Variants in ACOX3 observed in about 807,000 individuals in gnomAD.
ACOX3 encodes the protein peroxisomal acyl-coenzyme A oxidase 3.
Under a neutral mutation model 81.5 loss-of-function variants are expected in ACOX3, and 73 were observed. The observed-to-expected ratio is 0.90, with a 90% CI of 0.74 to 1.09. The LOEUF is 1.09. Among genes scored for constraint, ACOX3 ranks in the 50% least tolerant of loss-of-function variants. ACOX3 has a pLI of 0.00. For missense variants in ACOX3, 947 were observed against 928.0 expected, an observed-to-expected ratio of 1.02 and a Z score of -0.27; for synonymous variants, 387 against 375.1, an observed-to-expected ratio of 1.03 and a Z score of -0.37.
chr4:8,410,206 T>A lies in ACOX3; in HGVS notation c.687+6A>T, dbSNP rs764537279. 1 of 1,613,186 alleles carries A rather than the reference T, an allele frequency of 6.2e-7. No individual in the cohort carries two copies. Among genetic ancestry groups the A allele is most frequent in the Non-Finnish European group, 8.5e-7 (1 of 1,179,524 alleles). On this transcript the variant is annotated splice_donor_region_variant and intron_variant, in intron 6 of 17. Transcript: ENST00000356406. ...GCCCCCACTGAGGGCCACCCCAGCG[T>A]CCTACCTGCACGATAAAGGGATGCA...
chr4:8,390,275 T>C (rs867538809), intron 11 of ACOX3, among the ~76,000 whole-genome samples: 1 of 152,108 alleles, frequency 6.6e-6, no homozygotes, highest in South Asian at 2.1e-4. Context: ...GCCCAGGCAT[T>C]TGAGGCAAAA....
Position 8,405,679 on chromosome 4 carries a change from T to C in ACOX3, c.776+276A>G, listed in dbSNP as rs2293229. ...GCCCCCCAGGCAGGGGCCCCACCAG[T>C]TGTACACAGAGGTCTGGGTCTGATC... On this transcript the variant is annotated intron_variant, in intron 7 of 17. Coordinates refer to ENST00000356406, the MANE Select transcript of ACOX3 (RefSeq NM_003501.3). This position sits in a 1 kb window ranked among gnomAD's most constrained non-coding sequence, Gnocchi z 7.1. Among the ~76,000 whole-genome samples, 59,411 of 152,140 alleles carry C rather than the reference T, an allele frequency of 0.39. 14,176 individuals are homozygous for C. The highest frequency in any genetic ancestry group is 0.68 in the African/African-American group (28,317 of 41,518).
At chr4:8,362,017 A>G (rs928877351), downstream of ACOX3, among the ~76,000 whole-genome samples, 18 of 152,216 alleles carry the variant, frequency 1.2e-4, no homozygotes, top group African/African-American at 4.3e-4. Context: ...AGGTAACCAA[A>G]TTTCATGTTT....
intron 8 of ACOX3, among the ~76,000 whole-genome samples, chr4:8,397,672 G>A (rs1003119929): frequency 2.0e-5 from 3 of 152,220 alleles, no homozygotes; most frequent in African/African-American, 4.8e-5. Context: ...GCTAAGGCCT[G>A]TCCAGGCTGC....
chr4:8,435,357 G>A lies in ACOX3; in HGVS notation c.-15+5291C>T, dbSNP rs565413003. ...TACAAAAACAAAAAATTAGCCAGGC[G>A]TGCTGGCGGGCACCTGTAGTCCCAG... On this transcript the variant is annotated intron_variant, in intron 1 of 17. Transcript: ENST00000356406. 1.4e-4 allele frequency among the ~76,000 whole-genome samples: 22 copies of A among 152,332 alleles called. No homozygotes were observed. In the East Asian group the frequency reaches 1.5e-3, roughly 11 times the overall value.
chr4:8,365,292 C>A (rs1715345125), downstream of ACOX3, among the ~76,000 whole-genome samples: 1 of 152,260 alleles, frequency 6.6e-6, no homozygotes, highest in African/African-American at 2.4e-5. Context: ...AGGGCCTGAG[C>A]ACTCTCATTC....
At position 8,389,548 on chromosome 4, in the gene ACOX3, A is replaced by G. The variant is rs530316561; in HGVS notation, c.1423+64T>C. The G allele has an allele frequency of 1.2e-6, 2 of 1,608,150 alleles. No individual in the cohort carries two copies. The highest frequency in any genetic ancestry group is 2.2e-5 in the South Asian group (2 of 90,514). On this transcript the variant is annotated intron_variant, in intron 12 of 17. Transcript: ENST00000356406. The surrounding 1 kb of genome is among the most constrained non-coding windows in gnomAD (Gnocchi z 5.3). ...ACAGAACAGCTGAATCAGTGAGGCC[A>G]GGAGAACCCACCCCTGCCCCAGTTG...
At chr4:8,415,038 T>C in intron 3 of ACOX3, 110 bp from the exon 4 acceptor site, 2 of 987,044 alleles carry the variant, frequency 2.0e-6, no homozygotes, top group Non-Finnish European at 1.6e-6. Context: ...GCTGGTTCCC[T>C]GCCACACTGC....
At chr4:8,408,898 G>GT (rs1721352307) in intron 6 of ACOX3, among the ~76,000 whole-genome samples, 1 of 57,896 alleles carries the variant, frequency 1.7e-5, no homozygotes. Flanking sequence ...CACTGGGGGG[G>GT]GGGGGTGGGG....
intron 1 of ACOX3, among the ~76,000 whole-genome samples, chr4:8,435,147 G>T (rs1179656526): frequency 6.6e-6 from 1 of 152,114 alleles, no homozygotes; most frequent in African/African-American, 2.4e-5. Flanking sequence ...GTTTTGCAGG[G>T]GATTACAGAG....
chr4:8,413,293 T>C (rs1721963446), intron 5 of ACOX3, among the ~76,000 whole-genome samples: 1 of 96,974 alleles, frequency 1.0e-5, no homozygotes, highest in Non-Finnish European at 1.9e-5. Flanking sequence ...AGGGCATCCG[T>C]GTCCCGTCTC....
rs146614744 is a variant in ACOX3, at chr4:8,411,695, G to A, written c.544-1340C>T. ...CTCGACTGTCTGGCTGCCTCCCTGC[G>A]CCCCGGCATACCAGCTTTGCTCTCT... On this transcript the variant is annotated intron_variant, in intron 5 of 17. Coordinates refer to ENST00000356406, the MANE Select transcript of ACOX3 (RefSeq NM_003501.3). Among the ~76,000 whole-genome samples, 482 of 152,246 alleles carry A rather than the reference G, an allele frequency of 3.2e-3. 4 individuals are homozygous for A. Among genetic ancestry groups the A allele is most frequent in the Middle Eastern group, 0.01 (3 of 292 alleles).
chr4:8,387,201 C>T (rs1001756222), intron 13 of ACOX3, among the ~76,000 whole-genome samples: 5 of 152,278 alleles, frequency 3.3e-5, no homozygotes, highest in African/African-American at 7.2e-5. Flanking sequence ...AAGTGCTTTA[C>T]GTGCATGAAC....
intron 13 of ACOX3, among the ~76,000 whole-genome samples, chr4:8,388,862 C>T (rs1718620011): frequency 6.6e-6 from 1 of 152,168 alleles, no homozygotes; most frequent in Admixed American, 6.5e-5. Flanking sequence ...GCAGAGGCTG[C>T]TTAGTGGACA....
chr4:8,373,864 G>T, intron 15 of ACOX3: 2 of 575,796 alleles, frequency 3.5e-6, no homozygotes, highest in South Asian at 4.1e-5. Flanking sequence ...CCGCGGCAGC[G>T]AGGGAGGCAA....
Position 8,394,743 on chromosome 4 carries a change from C to G in ACOX3, c.1057-1G>C. On this transcript the variant is annotated splice_acceptor_variant, in intron 9 of 17. Coordinates refer to ENST00000356406, the MANE Select transcript of ACOX3 (RefSeq NM_003501.3). LOFTEE classifies it high-confidence loss of function. This position sits in a 1 kb window ranked among gnomAD's most constrained non-coding sequence, Gnocchi z 5.9. ...CCAGATATGGAAGCAAGCGCCATTG[C>G]TAGAACAGACAAGACACCTGCGTGA... is the stretch of plus-strand genomic sequence containing the variant. The G allele has an allele frequency of 6.2e-7, 1 of 1,612,646 alleles. No individual in the cohort carries two copies. The highest frequency in any genetic ancestry group is 1.1e-5 in the South Asian group (1 of 90,974).
At chr4:8,371,700 G>A (rs765602761) in intron 16 of ACOX3, among the ~76,000 whole-genome samples, 3 of 152,280 alleles carry the variant, frequency 2.0e-5, no homozygotes, top group Non-Finnish European at 4.4e-5. Flanking sequence ...TCAGCGCCGC[G>A]CTCTGCAGGG....
chr4:8,411,673 G>C (rs964404550), intron 5 of ACOX3, among the ~76,000 whole-genome samples: 10 of 152,196 alleles, frequency 6.6e-5, no homozygotes, highest in Non-Finnish European at 4.4e-5. Flanking sequence ...CCACTGTCTC[G>C]ACTGTCTGGC....
intron 17 of ACOX3, among the ~76,000 whole-genome samples, chr4:8,369,829 C>T (rs561594402): frequency 3.9e-5 from 6 of 152,342 alleles, no homozygotes; most frequent in East Asian, 1.9e-4. Context: ...AACTCAGTTG[C>T]GGGGCCAGGG....
Sources: allele counts gnomAD v4.1 joint callset (sites outside exome capture counted in the v4.1 genomes callset), GRCh38; gene constraint gnomAD v4.1.1; non-coding constraint Gnocchi (gnomAD v3.1); transcripts MANE v1.5; gene names NCBI Gene and HGNC (gene_info 2026-07-23, HGNC 2026-07-21).